ARID5B: variants seen among roughly 807,000 people sequenced by gnomAD.
The protein encoded by ARID5B is AT-rich interaction domain 5B, also known as AT-rich interactive domain-containing protein 5B.
A neutral mutation model predicts 97.2 loss-of-function variants in ARID5B; 13 were observed. That is an observed-to-expected ratio of 0.13 (90% CI 0.09 to 0.21). The LOEUF (loss-of-function observed/expected upper bound fraction) is 0.21. Ranked by LOEUF, ARID5B falls within the 10% of genes least tolerant of loss-of-function variation. The pLI is 1.00. For missense variants in ARID5B, 1,210 were observed against 1,465.3 expected, an observed-to-expected ratio of 0.83 and a Z score of 2.84; for synonymous variants, 556 against 570.3, an observed-to-expected ratio of 0.97 and a Z score of 0.36.
At chr10:61,943,421 C>T (rs1261019616) in intron 3 of ARID5B, among the ~76,000 whole-genome samples, 1 of 152,124 alleles carries the variant, frequency 6.6e-6, no homozygotes, top group Admixed American at 6.5e-5. Context: ...CCTTCCAACT[C>T]CTCATTGTTC....
rs1840448702 is a variant in ARID5B at position 62,095,102 on chromosome 10, A to AAG, written c.*2073_*2074insGA. ...TTAATTATTTACCTTCCTGTGGAATAATATATATATATATATTTAATAGAA... is the reference window on the plus strand; with the variant it reads ...TTAATTATTTACCTTCCTGTGGAATAAGATATATATATATATATTTAATAGAA... On this transcript the variant is annotated 3_prime_UTR_variant, in exon 10 of 10. Coordinates refer to ENST00000279873, the MANE Select transcript of ARID5B (RefSeq NM_032199.3). 1 of 200,356 alleles carries AAG rather than the reference A, an allele frequency of 5.0e-6. No individual in the cohort carries two copies. Among genetic ancestry groups the AAG allele is most frequent in the Non-Finnish European group, 1.0e-5 (1 of 98,614 alleles). The allele number at this position is 200,356 out of a possible 1,614,324, so 12.4% of individuals were successfully genotyped here. A position where few individuals can be genotyped will look rare whatever the true frequency, so the allele number is the denominator to read the frequency against.
intron 3 of ARID5B, among the ~76,000 whole-genome samples, chr10:61,952,100 C>T (rs1838331773): frequency 6.6e-6 from 1 of 152,152 alleles, no homozygotes; most frequent in Non-Finnish European, 1.5e-5. Context: ...CTATCCCCTA[C>T]CTTATCTCCT....
Position 62,057,107 on chromosome 10 carries a change from C to A in ARID5B, c.847-10C>A. 6.2e-7 allele frequency: 1 copy of A among 1,613,102 alleles called. No homozygotes were observed. The highest frequency in any genetic ancestry group is 1.1e-5 in the South Asian group (1 of 91,056). ...GCCTCGTCTGATGTGGTATATTTTC[C>A]CTTTTCCAGGTGAAATGTGAGGCCA... On this transcript the variant is annotated splice_polypyrimidine_tract_variant and intron_variant, in intron 5 of 9. Transcript: ENST00000279873.
intron 1 of ARID5B, 115 bp from the exon 2 acceptor site, chr10:61,902,044 C>G: frequency 1.8e-6 from 2 of 1,096,240 alleles, no homozygotes; most frequent in Non-Finnish European, 2.6e-6. Flanking sequence ...AGCGTTATAT[C>G]TGTTGGGTCG....
rs546764694 is a variant in ARID5B, at chr10:61,926,499, T to C, written c.277-13684T>C. ...AATGTCTATTAAATTCGTAGACTAG[T>C]GTCTGTGTCAAGTAAAGCATCTCTG... On this transcript the variant is annotated intron_variant, in intron 2 of 9. Coordinates refer to ENST00000279873, the MANE Select transcript of ARID5B (RefSeq NM_032199.3). Among the ~76,000 whole-genome samples, 24 of 152,320 alleles carry C rather than the reference T, an allele frequency of 1.6e-4. No individual in the cohort carries two copies. In the East Asian group the frequency reaches 4.4e-3, roughly 28 times the overall value.
intron 2 of ARID5B, among the ~76,000 whole-genome samples, chr10:61,932,718 T>C (rs2132785658): frequency 6.6e-6 from 1 of 152,292 alleles, no homozygotes; most frequent in Admixed American, 6.5e-5. Flanking sequence ...TGATTGGATT[T>C]TACCCACAGG....
intron 7 of ARID5B, among the ~76,000 whole-genome samples, chr10:62,068,937 T>C (rs1184373109): frequency 2.0e-5 from 3 of 152,230 alleles, no homozygotes; most frequent in Non-Finnish European, 2.9e-5. Context: ...TTGTTTTTAT[T>C]CACTCAACTC....
intron 3 of ARID5B, among the ~76,000 whole-genome samples, chr10:61,957,625 G>A (rs1203813128): frequency 6.6e-6 from 1 of 152,134 alleles, no homozygotes; most frequent in Non-Finnish European, 1.5e-5. Context: ...TACTGGAAGT[G>A]CAAAATACAC....
At chr10:62,055,155 A>G (rs10821951) in intron 5 of ARID5B, among the ~76,000 whole-genome samples, 122,284 of 152,148 alleles carry the variant, frequency 0.8, 51,533 homozygotes, top group Non-Finnish European at 0.94. Context: ...AATGCCTGGT[A>G]ATAAGATAGG....
chr10:62,068,308 T>C (rs1840019002), intron 7 of ARID5B, among the ~76,000 whole-genome samples: 1 of 152,210 alleles, frequency 6.6e-6, no homozygotes, highest in Non-Finnish European at 1.5e-5. Flanking sequence ...GTGAGAACTA[T>C]TGAAACCGAT....
intron 2 of ARID5B, among the ~76,000 whole-genome samples, chr10:61,930,525 C>G (rs541826803): frequency 4.9e-4 from 75 of 151,940 alleles, no homozygotes; most frequent in Non-Finnish European, 9.7e-4. Flanking sequence ...TCGAGACCAT[C>G]CTGGCTAACA....
At chr10:61,919,808 T>C (rs1035167931) in intron 2 of ARID5B, among the ~76,000 whole-genome samples, 1 of 152,192 alleles carries the variant, frequency 6.6e-6, no homozygotes, top group Non-Finnish European at 1.5e-5. Flanking sequence ...CCTAACTATC[T>C]GGACAGACAA....
intron 2 of ARID5B, among the ~76,000 whole-genome samples, chr10:61,929,086 T>G (rs545626552): frequency 5.2e-4 from 79 of 152,330 alleles, no homozygotes; most frequent in African/African-American, 1.8e-3. Flanking sequence ...TGGTTGTAGT[T>G]AGTCTGTCTA....
At chr10:62,087,832 T>C (rs1395698369) in intron 9 of ARID5B, among the ~76,000 whole-genome samples, 3 of 151,774 alleles carry the variant, frequency 2.0e-5, no homozygotes, top group African/African-American at 7.3e-5. Flanking sequence ...TAAGCTCTAG[T>C]AACTAAAAAG....
At chr10:62,020,698 G>A (rs896073795) in intron 4 of ARID5B, among the ~76,000 whole-genome samples, 3 of 152,098 alleles carry the variant, frequency 2.0e-5, no homozygotes, top group Non-Finnish European at 4.4e-5. Context: ...TCCAGATTTA[G>A]AGTGCTTTTA....
chr10:62,029,990 G>A (rs1839474629), intron 4 of ARID5B, among the ~76,000 whole-genome samples: 1 of 152,186 alleles, frequency 6.6e-6, no homozygotes, highest in Non-Finnish European at 1.5e-5. Flanking sequence ...CAGAGAAAGA[G>A]ATGATCGCCC....
chr10:62,050,093 G>A (rs1257662097), intron 4 of ARID5B, among the ~76,000 whole-genome samples: 2 of 120,044 alleles, frequency 1.7e-5, no homozygotes, highest in Non-Finnish European at 1.8e-5. Context: ...ATCTTAAAAG[G>A]AACAAGCTCA....
chr10:61,909,157 G>C (rs4948289), intron 2 of ARID5B, among the ~76,000 whole-genome samples: 62,856 of 151,750 alleles, frequency 0.41, 13,271 homozygotes, highest in Non-Finnish European at 0.46. Context: ...GTTGTAACCT[G>C]TCGTGCACTT....
At chr10:61,907,116 C>T (rs550818336) in intron 2 of ARID5B, among the ~76,000 whole-genome samples, 33 of 152,322 alleles carry the variant, frequency 2.2e-4, no homozygotes, top group African/African-American at 7.5e-4. Flanking sequence ...CTTCCAAATC[C>T]TACCGAATCA....
Sources: gnomAD v4.1 joint callset for allele counts (sites outside exome capture counted in the v4.1 genomes callset) on GRCh38, gnomAD v4.1.1 for gene constraint, MANE v1.5 for transcripts, NCBI Gene and HGNC (gene_info 2026-07-23, HGNC 2026-07-21) for gene names.